TOP2B: variants seen among roughly 807,000 people sequenced by gnomAD.
The protein encoded by TOP2B is DNA topoisomerase II beta.
Under a neutral mutation model 193.5 loss-of-function variants are expected in TOP2B, and 51 were observed. That is an observed-to-expected ratio of 0.26 (90% confidence interval 0.21 to 0.33). The LOEUF is 0.33. Among genes scored for constraint, TOP2B ranks in the 10% least tolerant of loss-of-function variants. The probability of loss-of-function intolerance (pLI) is 1.00; values close to 1 mark genes in which losing one functional copy is unlikely to be tolerated. For missense variants in TOP2B, 1,378 were observed against 1,909.3 expected (o/e 0.72, Z 5.19); for synonymous variants, 634 against 635.7 (o/e 1.00, Z 0.04).
intron 33 of TOP2B, among the ~76,000 whole-genome samples, chr3:25,601,569 C>A (rs567576489): frequency 6.6e-6 from 1 of 151,988 alleles, no homozygotes; most frequent in African/African-American, 2.4e-5. Flanking sequence ...GCTGAGATTG[C>A]GCCACTGCAC....
Position 25,632,713 on chromosome 3 carries a change from C to A in TOP2B, c.1108G>T (p.Val370Leu). Reference sequence around the variant, plus strand: ...CTTACTTGAAATGGTTTCACTGATACACCAGCTTTGTTCTTTTTCTTAACT... The same window carrying A: ...CTTACTTGAAATGGTTTCACTGATAAACCAGCTTTGTTCTTTTTCTTAACT... ...EVVKKKNKAG[V>L]SVKPFQVKNH... The change falls in exon 9 of 36, where the codon GTA becomes TTA. Residue 370 changes from valine to leucine, a missense_variant. By Grantham distance (32) the Val-to-Leu change is conservative. Transcript: ENST00000264331. 6.2e-7 allele frequency: 1 copy of A among 1,612,942 alleles called. No homozygotes were observed. The highest frequency in any genetic ancestry group is 1.1e-5 in the South Asian group (1 of 91,048).
At chr3:25,599,667 T>A (rs926916843) in intron 34 of TOP2B, 138 bp from the exon 35 acceptor site, 1 of 756,940 alleles carries the variant, frequency 1.3e-6, no homozygotes, top group African/African-American at 1.8e-5. Flanking sequence ...TATGAGTGAT[T>A]ATAAACAATT....
chr3:25,601,194 G>A lies in TOP2B; in HGVS notation c.4521C>T (p.Pro1507=). Residue 1507 remains proline (P), a synonymous_variant, in exon 34 of 36, where the codon CCC becomes CCT. Coordinates refer to ENST00000264331, the MANE Select transcript of TOP2B (RefSeq NM_001330700.2). ...CTTTCTTCTGTTTTGGGGCTCTCTT[G>A]GGCTTAGGGACTGTATCTGAAGACG... The part of the protein sequence containing the change: ...GKPSSDTVPK[P]KRAPKQKKVV... 6.2e-7 allele frequency: 1 copy of A among 1,613,658 alleles called. No homozygotes were observed. The highest frequency in any genetic ancestry group is 2.2e-5 in the East Asian group (1 of 44,862).
At chr3:25,614,068 A>T (rs775817261) in intron 27 of TOP2B, among the ~76,000 whole-genome samples, 8 of 152,220 alleles carry the variant, frequency 5.3e-5, no homozygotes, top group Admixed American at 1.3e-4. Flanking sequence ...TTAAGTCTAA[A>T]TCTTTTTAAA....
At chr3:25,628,218 G>T (rs1702861576) in intron 15 of TOP2B, among the ~76,000 whole-genome samples, 1 of 147,786 alleles carries the variant, frequency 6.8e-6, no homozygotes. Flanking sequence ...GCTCACACCT[G>T]TAATCCCAAT....
chr3:25,617,261 G>A lies in TOP2B; in HGVS notation c.3351+1157C>T, dbSNP rs145413290. Among the ~76,000 whole-genome samples, 209 of 152,116 alleles carry A rather than the reference G, an allele frequency of 1.4e-3. 2 individuals carry two copies. The highest frequency in any genetic ancestry group is 4.7e-3 in the African/African-American group (196 of 41,528). On this transcript the variant is annotated intron_variant, in intron 25 of 35. Coordinates refer to ENST00000264331, the MANE Select transcript of TOP2B (RefSeq NM_001330700.2). The stretch of plus-strand genomic sequence containing the variant: ...TATAGTTTAAACCAACGGTGATACA[G>A]AAAGGCAAAAGGCAAGTGTTGTAGA...
Position 25,624,820 on chromosome 3 carries a change from T to A in TOP2B, c.2225-17A>T, listed in dbSNP as rs748412141. On this transcript the variant is annotated splice_polypyrimidine_tract_variant and intron_variant, in intron 18 of 35. Coordinates refer to ENST00000264331, the MANE Select transcript of TOP2B (RefSeq NM_001330700.2). ...GTTTAAAGCCTATTTTTAAAAGAGC[T>A]CTTTTAAAATGTTACTTCAAGATAT... The A allele has an allele frequency of 6.2e-7, 1 of 1,606,600 alleles. No homozygotes were observed. The highest frequency in any genetic ancestry group is 1.1e-5 in the South Asian group (1 of 89,652).
chr3:25,601,721 T>A (rs2125341608), intron 33 of TOP2B, among the ~76,000 whole-genome samples: 1 of 152,342 alleles, frequency 6.6e-6, no homozygotes, highest in Non-Finnish European at 1.5e-5. Flanking sequence ...TTTATTTAAT[T>A]ATGTATAATT....
chr3:25,642,221 T>TA, intron 4 of TOP2B, 101 bp downstream of exon 4: 1 of 594,282 alleles, frequency 1.7e-6, no homozygotes, highest in Non-Finnish European at 2.8e-6. Context: ...AGGGAAACTT[T>TA]AAAAGAGTAC....
At chr3:25,649,740 A>G (rs1411594493) in intron 1 of TOP2B, among the ~76,000 whole-genome samples, 6 of 152,216 alleles carry the variant, frequency 3.9e-5, no homozygotes, top group African/African-American at 1.4e-4. Flanking sequence ...GGTTTGCCCA[A>G]CAAGAAATGA....
At chr3:25,610,229 T>C (rs1168221896) in intron 28 of TOP2B, among the ~76,000 whole-genome samples, 1 of 150,770 alleles carries the variant, frequency 6.6e-6, no homozygotes, top group Non-Finnish European at 1.5e-5. Context: ...ATAAGTAACA[T>C]GTGTCTTGCA....
rs149040782 is a variant in TOP2B at position 25,611,299 on chromosome 3, G to C, written c.3786+1216C>G. 1.9e-4 allele frequency among the ~76,000 whole-genome samples: 29 copies of C among 152,268 alleles called. No homozygotes were observed. The East Asian group carries it at 5.4e-3, about 28-fold the overall frequency. On this transcript the variant is annotated intron_variant, in intron 28 of 35. Coordinates refer to ENST00000264331, the MANE Select transcript of TOP2B (RefSeq NM_001330700.2). ...CGAGGGAGACAGGCAAGAGTATCTG[G>C]GTAAATGAACCTGTGTGCCGTGGGG...
intron 12 of TOP2B, 44 bp downstream of exon 12, chr3:25,630,267 TG>T (rs1176524767): frequency 1.3e-6 from 2 of 1,531,166 alleles, no homozygotes; most frequent in Non-Finnish European, 8.8e-7. Context: ...GTCATATGTA[TG>T]TGTGCATGTG....
chr3:25,634,850 AAC>A lies in TOP2B; in HGVS notation c.853-838_853-837del, dbSNP rs1410495000. Among the ~76,000 whole-genome samples the A allele has an allele frequency of 3.3e-5, 5 of 152,024 alleles. No homozygotes were observed. The East Asian group carries it at 9.7e-4, about 29-fold the overall frequency. ...GGAAACCTCAAGGACACAGGCTGAG[AAC>A]ACTGGTGGAAACCTGCTGCAGCTGG... On this transcript the variant is annotated intron_variant, in intron 7 of 35. Transcript: ENST00000264331.
At chr3:25,603,961 G>A (rs1702174321) in intron 33 of TOP2B, among the ~76,000 whole-genome samples, 1 of 152,250 alleles carries the variant, frequency 6.6e-6, no homozygotes, top group African/African-American at 2.4e-5. Flanking sequence ...TATGCACTAA[G>A]TGGTAAGGGA....
intron 1 of TOP2B, among the ~76,000 whole-genome samples, chr3:25,654,126 G>A (rs1703677349): frequency 6.6e-6 from 1 of 151,956 alleles, no homozygotes; most frequent in South Asian, 2.1e-4. Flanking sequence ...GACAAGAAAA[G>A]GAAATAAAAG....
chr3:25,658,017 C>T, intron 1 of TOP2B, among the ~76,000 whole-genome samples: 1 of 117,000 alleles, frequency 8.5e-6, no homozygotes, highest in East Asian at 2.3e-4. Context: ...GCCGAGATCC[C>T]GCCACTGCAC....
At chr3:25,616,748 T>C (rs1178452465) in intron 25 of TOP2B, among the ~76,000 whole-genome samples, 1 of 151,936 alleles carries the variant, frequency 6.6e-6, no homozygotes, top group Non-Finnish European at 1.5e-5. Context: ...CAAAATCCTG[T>C]TTAGACCCAC....
At chr3:25,607,563 G>GT (rs1336198491) in intron 30 of TOP2B, among the ~76,000 whole-genome samples, 188 bp from the exon 31 acceptor site, 3 of 152,176 alleles carry the variant, frequency 2.0e-5, no homozygotes, top group Non-Finnish European at 4.4e-5. Context: ...GTTAATGTCT[G>GT]TCTTACACTT....
Sources: allele counts gnomAD v4.1 joint callset (sites outside exome capture counted in the v4.1 genomes callset), GRCh38; gene constraint gnomAD v4.1.1; transcripts MANE v1.5; gene names NCBI Gene and HGNC (gene_info 2026-07-23, HGNC 2026-07-21).